CGREF1: variants seen among roughly 807,000 people sequenced by gnomAD.
CGREF1 encodes cell growth regulator with EF hand domain protein 1.
CGREF1 carries 16 observed loss-of-function variants against 17.4 expected under a neutral mutation model. The ratio of observed to expected loss-of-function variants is 0.92; its 90% confidence interval spans 0.62 to 1.40. The LOEUF (loss-of-function observed/expected upper bound fraction) is 1.40, where lower values mean the gene tolerates loss of function less well. Ranked by LOEUF, CGREF1 falls within the 40% of genes most tolerant of loss-of-function variation. The pLI is 0.00. For synonymous variants in CGREF1, 142 were observed against 154.6 expected (o/e 0.92, Z 0.61); for missense variants, 296 against 376.4 (o/e 0.79, Z 1.77).
chr2:27,106,371 C>CT (rs1671118906), intron 1 of CGREF1, among the ~76,000 whole-genome samples: 1 of 152,174 alleles, frequency 6.6e-6, no homozygotes, highest in African/African-American at 2.4e-5. Flanking sequence ...TGTCAGTGTG[C>CT]TTGTGCTGTA....
Position 27,100,948 on chromosome 2 carries a change from C to A in CGREF1, c.*326G>T. ...GCAGCCGGCCATGGCTAGCACCATG[C>A]GCTCTGCTGCCGGAGCACCGTGAGG... On this transcript the variant is annotated 3_prime_UTR_variant, in exon 6 of 6. Coordinates refer to ENST00000402394, the MANE Select transcript of CGREF1 (RefSeq NM_006569.6). 1 of 1,136,776 alleles carries A rather than the reference C, an allele frequency of 8.8e-7. No homozygotes were observed. The highest frequency in any genetic ancestry group is 1.1e-6 in the Non-Finnish European group (1 of 925,950). The allele number at this position is 1,136,776 out of a possible 1,614,324, so 70.4% of individuals were successfully genotyped here.
intron 1 of CGREF1, chr2:27,104,589 G>A (rs1671045033): frequency 1.9e-6 from 3 of 1,550,614 alleles, no homozygotes; most frequent in Non-Finnish European, 2.6e-6. Flanking sequence ...TGTATATAAA[G>A]CACATAAAGG....
intron 1 of CGREF1, among the ~76,000 whole-genome samples, chr2:27,114,402 CATT>C (rs1558465527): frequency 6.6e-6 from 1 of 152,180 alleles, no homozygotes; most frequent in African/African-American, 2.4e-5. Context: ...TCCTCTCACT[CATT>C]AGGCCACTGT....
intron 1 of CGREF1, among the ~76,000 whole-genome samples, chr2:27,114,711 C>T (rs1286313966): frequency 6.6e-6 from 1 of 152,104 alleles, no homozygotes; most frequent in Non-Finnish European, 1.5e-5. Flanking sequence ...GGAGAACCCA[C>T]CTAGAAACAG....
intron 1 of CGREF1, among the ~76,000 whole-genome samples, chr2:27,110,512 C>T (rs1040969216): frequency 6.6e-6 from 1 of 151,932 alleles, no homozygotes; most frequent in African/African-American, 2.4e-5. Flanking sequence ...AAATTAAAAA[C>T]ACAATAAAGA....
intron 1 of CGREF1, among the ~76,000 whole-genome samples, chr2:27,116,871 T>TTCTCTCTCTCTCCCTCTC (rs1671587157): frequency 8.9e-5 from 3 of 33,680 alleles, no homozygotes; most frequent in Non-Finnish European, 1.2e-4. Flanking sequence ...GCCAGGCCTA[T>TTCTCTCTCTCTCCCTCTC]TCTCTCTCTC....
At chr2:27,105,550 T>TTTTCC (rs1553346745) in intron 1 of CGREF1, among the ~76,000 whole-genome samples, 1 of 151,426 alleles carries the variant, frequency 6.6e-6, no homozygotes, top group Admixed American at 6.6e-5. Context: ...ATTTTTCTTT[T>TTTTCC]TTTTCTTTTT....
At chr2:27,115,024 C>T (rs1671521919) in intron 1 of CGREF1, among the ~76,000 whole-genome samples, 1 of 152,180 alleles carries the variant, frequency 6.6e-6, no homozygotes, top group Non-Finnish European at 1.5e-5. Context: ...CATGAGCTAC[C>T]ATGCTGGGCC....
At chr2:27,104,470 C>T in intron 1 of CGREF1, 93 bp from the exon 2 acceptor site, 1 of 1,555,602 alleles carries the variant, frequency 6.4e-7, no homozygotes, top group Non-Finnish European at 8.7e-7. Flanking sequence ...CATTTTCTGC[C>T]TGCTTCTACC....
At chr2:27,107,181 G>C (rs1390402505) in intron 1 of CGREF1, among the ~76,000 whole-genome samples, 2 of 152,156 alleles carry the variant, frequency 1.3e-5, no homozygotes, top group Non-Finnish European at 1.5e-5. Flanking sequence ...AACAATAGCA[G>C]GGAAAAGTAG....
intron 1 of CGREF1, among the ~76,000 whole-genome samples, chr2:27,107,933 C>A (rs867960223): frequency 0.015 from 1,392 of 95,288 alleles, no homozygotes; most frequent in South Asian, 0.019. Flanking sequence ...GACTCTGTCT[C>A]AAAAAAAAAA....
At chr2:27,117,318 C>T (rs895991045) in intron 1 of CGREF1, among the ~76,000 whole-genome samples, 3 of 152,240 alleles carry the variant, frequency 2.0e-5, no homozygotes, top group East Asian at 1.9e-4. Flanking sequence ...GAGGTTAGTG[C>T]GATGTGTTGA....
In CGREF1 at chr2:27,101,364, G is replaced by A. The variant is rs773868032; in HGVS notation, c.867C>T (p.Ala289=). ...CCAGTGTTTCCCCTGGAAGTTCCTT[G>A]GCCTCCTCTCCATTCTCCCTGGCCT... ...QAEARENGEE[A]KELPGETLES... is the part of the protein sequence containing the mutation. The change falls in exon 6 of 6, where the codon GCC becomes GCT. Residue 289 remains alanine, a synonymous_variant. Coordinates refer to ENST00000402394, the MANE Select transcript of CGREF1 (RefSeq NM_006569.6). 1 of 1,613,200 alleles carries A rather than the reference G, an allele frequency of 6.2e-7. No individual in the cohort carries two copies. Among genetic ancestry groups the A allele is most frequent in the East Asian group, 2.2e-5 (1 of 44,842 alleles).
At chr2:27,114,747 T>C (rs1671511952) in intron 1 of CGREF1, among the ~76,000 whole-genome samples, 1 of 152,060 alleles carries the variant, frequency 6.6e-6, no homozygotes, top group Admixed American at 6.6e-5. Context: ...CCAGCTCAAA[T>C]CTTCCCAGCC....
intron 1 of CGREF1, among the ~76,000 whole-genome samples, chr2:27,105,803 T>C (rs1671099187): frequency 6.6e-6 from 1 of 152,224 alleles, no homozygotes; most frequent in Non-Finnish European, 1.5e-5. Context: ...CGCCTGGGCC[T>C]CCCAAAGTGC....
At chr2:27,099,938 GCCTCAGAGCAAATAAATCTT>G (rs1265045186), downstream of CGREF1, 8 of 1,295,046 alleles carry the variant, frequency 6.2e-6, no homozygotes, top group African/African-American at 1.5e-5. Flanking sequence ...GGGATGCAGA[GCCTCAGAGCAAATAAATCTT>G]CCTCAGAGCC....
downstream of CGREF1, chr2:27,099,940 C>T (rs923139613): frequency 1.4e-5 from 18 of 1,291,730 alleles, no homozygotes; most frequent in African/African-American, 2.5e-4. Context: ...GATGCAGAGC[C>T]TCAGAGCAAA....
At chr2:27,105,823 A>C (rs1025465870) in intron 1 of CGREF1, among the ~76,000 whole-genome samples, 6 of 152,254 alleles carry the variant, frequency 3.9e-5, no homozygotes, top group Non-Finnish European at 7.3e-5. Flanking sequence ...CTGGGATTAC[A>C]GGCGTGAGGC....
intron 1 of CGREF1, 168 bp from the exon 2 acceptor site, chr2:27,104,545 G>A (rs757360308): frequency 6.4e-6 from 10 of 1,550,558 alleles, no homozygotes; most frequent in Admixed American, 5.9e-5. Context: ...GGATCCCATG[G>A]AACTATGCTC....
Sources: gnomAD v4.1 joint callset for allele counts (sites outside exome capture counted in the v4.1 genomes callset) on GRCh38, gnomAD v4.1.1 for gene constraint, MANE v1.5 for transcripts, NCBI Gene and HGNC (gene_info 2026-07-23, HGNC 2026-07-21) for gene names.